PAH: variants seen among roughly 807,000 people sequenced by gnomAD.
The protein encoded by PAH is phenylalanine-4-hydroxylase.
A neutral mutation model predicts 62.0 loss-of-function variants in PAH; 64 were observed. The observed-to-expected ratio is 1.03, with a 90% CI of 0.84 to 1.27. The LOEUF (loss-of-function observed/expected upper bound fraction) is 1.27. Among genes scored for constraint, PAH ranks in the 50% most tolerant of loss-of-function variants. The probability of loss-of-function intolerance (pLI) is 0.00; values close to 1 mark genes in which losing one functional copy is unlikely to be tolerated. For missense variants in PAH, 579 were observed against 542.8 expected (o/e 1.07, Z -0.66); for synonymous variants, 195 against 196.2 (o/e 0.99, Z 0.05).
intron 2 of PAH, among the ~76,000 whole-genome samples, chr12:102,897,711 C>T (rs77864037): frequency 0.038 from 5,810 of 151,980 alleles, 192 homozygotes; most frequent in African/African-American, 0.086. Flanking sequence ...CTCAAATGTC[C>T]CTAATTGTAG....
chr12:102,855,712 GAAT>G (rs1174927753), intron 5 of PAH, among the ~76,000 whole-genome samples: 3 of 152,164 alleles, frequency 2.0e-5, no homozygotes, highest in African/African-American at 7.2e-5. Context: ...GCAATAAGGA[GAAT>G]GGGGGCTGGC....
chr12:102,950,391 TAGG>T (rs1044889548), intron 1 of PAH: 1 of 152,316 alleles, frequency 6.6e-6, no homozygotes, highest in African/African-American at 2.4e-5. Context: ...CTGAATCTGT[TAGG>T]AGTACACTTT....
chr12:102,889,605 C>G (rs751204431), intron 3 of PAH, among the ~76,000 whole-genome samples: 4 of 152,134 alleles, frequency 2.6e-5, no homozygotes, highest in Non-Finnish European at 4.4e-5. Context: ...TTCCACAGAA[C>G]CAGTAGTTGT....
intron 2 of PAH, among the ~76,000 whole-genome samples, chr12:102,910,007 A>T (rs889171243): frequency 6.6e-6 from 1 of 152,160 alleles, no homozygotes; most frequent in African/African-American, 2.4e-5. Flanking sequence ...CTTTTAAAAT[A>T]TTTTTTTAAC....
chr12:102,936,318 G>A (rs1329896315), intron 1 of PAH, among the ~76,000 whole-genome samples: 1 of 152,108 alleles, frequency 6.6e-6, no homozygotes, highest in Non-Finnish European at 1.5e-5. Context: ...CTATTCTTGA[G>A]AATGATCCAT....
At chr12:102,858,914 C>T (rs80322171) in intron 5 of PAH, among the ~76,000 whole-genome samples, 228 of 152,192 alleles carry the variant, frequency 1.5e-3, no homozygotes, top group African/African-American at 5.2e-3. Context: ...ATGGAAAGAA[C>T]TAGAGAAGCA....
intron 4 of PAH, among the ~76,000 whole-genome samples, chr12:102,874,621 C>T (rs999214471): frequency 2.0e-5 from 3 of 152,042 alleles, no homozygotes; most frequent in Non-Finnish European, 2.9e-5. Flanking sequence ...GAAGCATTAG[C>T]TCCTAATATC....
At chr12:102,845,408 A>G (rs1874793049) in intron 9 of PAH, among the ~76,000 whole-genome samples, 1 of 152,206 alleles carries the variant, frequency 6.6e-6, no homozygotes, top group African/African-American at 2.4e-5. Context: ...AGTGGGAGGT[A>G]GCAGACTGGG....
chr12:102,868,508 G>A (rs12826510), intron 4 of PAH, among the ~76,000 whole-genome samples: 333 of 151,692 alleles, frequency 2.2e-3, no homozygotes, highest in Non-Finnish European at 4.0e-3. Context: ...TTTATGACAC[G>A]GTTATTGCAA....
chr12:102,916,395 G>C (rs3828473), intron 1 of PAH, among the ~76,000 whole-genome samples: 21,665 of 152,082 alleles, frequency 0.14, 1,616 homozygotes, highest in African/African-American at 0.17. Flanking sequence ...TCACATTAAA[G>C]AATGTATTCT....
intron 1 of PAH, among the ~76,000 whole-genome samples, chr12:102,933,479 G>C (rs1878991093): frequency 6.6e-6 from 1 of 151,904 alleles, no homozygotes; most frequent in African/African-American, 2.4e-5. Context: ...CCTTTATTTG[G>C]GGTATATACC....
intron 1 of PAH, among the ~76,000 whole-genome samples, chr12:102,942,896 A>G (rs1275557314): frequency 6.6e-6 from 1 of 152,152 alleles, no homozygotes; most frequent in African/African-American, 2.4e-5. Flanking sequence ...CCTTCCTTTC[A>G]CCATATACAA....
chr12:102,945,647 G>C (rs546072979), intron 1 of PAH, among the ~76,000 whole-genome samples: 1 of 151,972 alleles, frequency 6.6e-6, no homozygotes, highest in South Asian at 2.1e-4. Flanking sequence ...GGGGCTCTTC[G>C]GGCAGCTTGT....
chr12:102,924,706 A>G (rs948554772), intron 1 of PAH, among the ~76,000 whole-genome samples: 1 of 152,192 alleles, frequency 6.6e-6, no homozygotes, highest in Non-Finnish European at 1.5e-5. Flanking sequence ...GGAAGTTGCC[A>G]TCAGCTTCTG....
At chr12:102,840,548 C>T in intron 11 of PAH, 33 bp from the exon 12 acceptor site, 1 of 1,420,662 alleles carries the variant, frequency 7.0e-7, no homozygotes, top group African/African-American at 1.4e-5. Flanking sequence ...GAGTGAAGGG[C>T]ACCATTTGGA....
intron 1 of PAH, among the ~76,000 whole-genome samples, chr12:102,914,276 T>C (rs898718678): frequency 1.3e-5 from 2 of 152,242 alleles, no homozygotes; most frequent in Non-Finnish European, 1.5e-5. Flanking sequence ...ACTTCATTTA[T>C]TTAGAGCCTA....
intron 5 of PAH, among the ~76,000 whole-genome samples, chr12:102,859,282 T>G (rs369763909): frequency 2.0e-5 from 3 of 152,124 alleles, no homozygotes; most frequent in East Asian, 3.8e-4. Context: ...AGGAAGAAGT[T>G]GAATCCCTGA....
upstream of PAH, among the ~76,000 whole-genome samples, chr12:102,952,574 G>C (rs924191115): frequency 1.3e-5 from 2 of 151,966 alleles, no homozygotes; most frequent in Admixed American, 6.6e-5. Flanking sequence ...ATCCAAGGAA[G>C]GTATTTAATC....
At chr12:102,912,490 G>A (rs1392075363) in intron 2 of PAH, among the ~76,000 whole-genome samples, 1 of 152,024 alleles carries the variant, frequency 6.6e-6, no homozygotes, top group Non-Finnish European at 1.5e-5. Context: ...ATGACTTATA[G>A]TTAATCATGC....
Sources: allele counts gnomAD v4.1 joint callset (sites outside exome capture counted in the v4.1 genomes callset), GRCh38; gene constraint gnomAD v4.1.1; transcripts MANE v1.5; gene names NCBI Gene and HGNC (gene_info 2026-07-23, HGNC 2026-07-21).